PSD3: variants seen among roughly 807,000 people sequenced by gnomAD.
PSD3 encodes the protein PH and SEC7 domain-containing protein 3.
Under a neutral mutation model 105.5 loss-of-function variants are expected in PSD3, and 49 were observed. The observed-to-expected ratio is 0.46, with a 90% CI of 0.37 to 0.59. The LOEUF (loss-of-function observed/expected upper bound fraction) is 0.59, where lower values mean the gene tolerates loss of function less well. PSD3 is among the 20% of genes least tolerant of loss of function. PSD3 has a pLI of 0.00. For missense variants in PSD3, 1,561 were observed against 1,263.8 expected (o/e 1.24, Z -3.57); for synonymous variants, 557 against 457.8 (o/e 1.22, Z -2.77).
rs1437559985 is a variant in PSD3 at position 18,872,126 on chromosome 8, T to C, written c.738A>G (p.Pro246=). Residue 246 remains proline, a synonymous_variant, in exon 3 of 16, where the codon CCA becomes CCG. Transcript: ENST00000327040. ...TCCCGAGGGAGGCCAAAGGACAAGA[T>C]GGCTCCTGCACACAGACAGCCCCTT... ...GRKGAVCVQE[P]SCPLASLGSS... The C allele has an allele frequency of 1.9e-6, 3 of 1,614,126 alleles. No homozygotes were observed. Among genetic ancestry groups the C allele is most frequent in the Non-Finnish European group, 1.7e-6 (2 of 1,179,986 alleles).
intron 9 of PSD3, among the ~76,000 whole-genome samples, chr8:18,758,178 T>C (rs1229983380): frequency 1.3e-5 from 2 of 152,180 alleles, no homozygotes; most frequent in East Asian, 1.9e-4. Flanking sequence ...AGTCTTATTC[T>C]GATGTCTCCA....
chr8:18,862,378 T>A (rs1340188668), intron 4 of PSD3, among the ~76,000 whole-genome samples: 2 of 141,358 alleles, frequency 1.4e-5, no homozygotes, highest in African/African-American at 6.0e-5. Context: ...CTTTGTGGTT[T>A]TTAAAAAAAA....
intron 15 of PSD3, among the ~76,000 whole-genome samples, chr8:18,549,092 G>C (rs1304556017): frequency 6.6e-6 from 1 of 151,904 alleles, no homozygotes; most frequent in East Asian, 1.9e-4. Context: ...GGGCTCTCTT[G>C]GCAGTGACCT....
intron 11 of PSD3, among the ~76,000 whole-genome samples, chr8:18,611,980 TTGA>T (rs1805301021): frequency 6.6e-6 from 1 of 152,236 alleles, no homozygotes; most frequent in African/African-American, 2.4e-5. Context: ...ACACAAAGAC[TTGA>T]TGATGACTAT....
At position 18,804,744 on chromosome 8, in the gene PSD3, T is replaced by G. The variant is rs1811048991; in HGVS notation, c.1789A>C (p.Arg597=). ...TTTGCAACATCTGATCTTTTGAATCTGTCCAGCTGATAAAGGCGTTTGGCC... is the reference window on the plus strand; with the variant it reads ...TTTGCAACATCTGATCTTTTGAATCGGTCCAGCTGATAAAGGCGTTTGGCC... ...RLAKRLYQLD[R]FKRSDVAKHL... is the part of the protein sequence containing the mutation. Residue 597 remains arginine, a synonymous_variant, in exon 5 of 16, where the codon AGA becomes CGA. Coordinates refer to ENST00000327040, the MANE Select transcript of PSD3 (RefSeq NM_015310.4). 1 of 1,614,012 alleles carries G rather than the reference T, an allele frequency of 6.2e-7. No individual in the cohort carries two copies. The highest frequency in any genetic ancestry group is 8.5e-7 in the Non-Finnish European group (1 of 1,179,994).
intron 1 of PSD3, among the ~76,000 whole-genome samples, chr8:18,964,430 A>T (rs1339745869): frequency 6.6e-6 from 1 of 151,930 alleles, no homozygotes; most frequent in Non-Finnish European, 1.5e-5. Context: ...GGCCATTAAT[A>T]ACTCTTGTTA....
rs78940463 is a variant in PSD3 at position 18,702,608 on chromosome 8, T to C, written c.2173-46923A>G. ...TTTTCTCTTCTAGCTATAGGTACTC[T>C]TTCTTTCTTTCTTTCTTTTTTTGAG... On this transcript the variant is annotated intron_variant, in intron 9 of 15. Coordinates refer to ENST00000327040, the MANE Select transcript of PSD3 (RefSeq NM_015310.4). Among the ~76,000 whole-genome samples, 1,440 of 151,822 alleles carry C rather than the reference T, an allele frequency of 9.5e-3. 18 individuals carry two copies. The highest frequency in any genetic ancestry group is 0.028 in the African/African-American group (1,158 of 41,218).
chr8:18,885,708 G>C (rs1199755571), intron 2 of PSD3, among the ~76,000 whole-genome samples: 1 of 151,808 alleles, frequency 6.6e-6, no homozygotes, highest in Non-Finnish European at 1.5e-5. Flanking sequence ...TAAGGATTCA[G>C]GCTACAATCT....
At chr8:18,951,923 C>G (rs374600558) in intron 1 of PSD3, among the ~76,000 whole-genome samples, 144 of 152,212 alleles carry the variant, frequency 9.5e-4, no homozygotes, top group African/African-American at 3.4e-3. Flanking sequence ...GAGCCCAGAT[C>G]ACACCAGTGC....
At chr8:19,007,790 T>C (rs1415476058) in intron 1 of PSD3, among the ~76,000 whole-genome samples, 2 of 152,340 alleles carry the variant, frequency 1.3e-5, no homozygotes, top group East Asian at 3.9e-4. Context: ...CTTTCAGATA[T>C]TAGCTCATGG....
At chr8:18,848,191 G>T (rs1045665667) in intron 4 of PSD3, among the ~76,000 whole-genome samples, 2 of 151,930 alleles carry the variant, frequency 1.3e-5, no homozygotes, top group African/African-American at 4.8e-5. Context: ...TTCTCTAAAA[G>T]AAGGCATTCA....
At chr8:18,692,264 T>C (rs1369826281) in intron 9 of PSD3, among the ~76,000 whole-genome samples, 1 of 152,210 alleles carries the variant, frequency 6.6e-6, no homozygotes, top group African/African-American at 2.4e-5. Context: ...GAGATAGACA[T>C]TAATCAATCA....
intron 9 of PSD3, among the ~76,000 whole-genome samples, chr8:18,760,117 A>G (rs901030970): frequency 6.6e-6 from 1 of 151,778 alleles, no homozygotes; most frequent in Non-Finnish European, 1.5e-5. Context: ...CTTTCAAGAA[A>G]ATTCTTATTT....
intron 1 of PSD3, among the ~76,000 whole-genome samples, chr8:18,990,661 G>C (rs1478326303): frequency 6.6e-6 from 1 of 152,002 alleles, no homozygotes; most frequent in Non-Finnish European, 1.5e-5. Context: ...GGATATTTCT[G>C]GTAATAAGGA....
chr8:18,847,223 G>T (rs779334569), intron 4 of PSD3, among the ~76,000 whole-genome samples: 7 of 152,186 alleles, frequency 4.6e-5, no homozygotes, highest in Non-Finnish European at 8.8e-5. Context: ...AGAGACTGCA[G>T]TATGATCTCC....
At chr8:18,892,941 T>A (rs928357324) in intron 2 of PSD3, among the ~76,000 whole-genome samples, 1 of 152,160 alleles carries the variant, frequency 6.6e-6, no homozygotes, top group African/African-American at 2.4e-5. Flanking sequence ...TAAATTCTTA[T>A]ACTGACAACT....
chr8:18,970,570 C>T (rs1420758351), intron 1 of PSD3, among the ~76,000 whole-genome samples: 1 of 151,990 alleles, frequency 6.6e-6, no homozygotes, highest in Non-Finnish European at 1.5e-5. Context: ...TGGCATGCTC[C>T]CCGTCCATCT....
At chr8:19,062,431 AG>A (rs925474087) in intron 1 of PSD3, among the ~76,000 whole-genome samples, 21 of 152,204 alleles carry the variant, frequency 1.4e-4, no homozygotes, top group African/African-American at 5.1e-4. Context: ...ACTGAAACTC[AG>A]AAGAGTAGAG....
chr8:18,764,151 T>C (rs1026403605), intron 9 of PSD3, among the ~76,000 whole-genome samples: 2 of 152,178 alleles, frequency 1.3e-5, no homozygotes, highest in Admixed American at 6.5e-5. Flanking sequence ...AGCTTCACTA[T>C]GAAAATTTTC....
Sources: gnomAD v4.1 joint callset for allele counts (sites outside exome capture counted in the v4.1 genomes callset) on GRCh38, gnomAD v4.1.1 for gene constraint, MANE v1.5 for transcripts, NCBI Gene and HGNC (gene_info 2026-07-23, HGNC 2026-07-21) for gene names.